Variants in ZNF883 observed in about 807,000 individuals in gnomAD.
ZNF883 encodes the protein zinc finger protein 883.
chr9:112,990,363 T>C (rs1828290364), intron 1 of ZNF883, among the ~76,000 whole-genome samples: 1 of 152,222 alleles, frequency 6.6e-6, no homozygotes, highest in East Asian at 1.9e-4. Flanking sequence ...CTGCATCTAT[T>C]GAGATAATCA....
At chr9:112,990,384 G>A (rs1564330413) in intron 1 of ZNF883, among the ~76,000 whole-genome samples, 1 of 152,176 alleles carries the variant, frequency 6.6e-6, no homozygotes, top group Non-Finnish European at 1.5e-5. Context: ...TGTGGTTTTT[G>A]TCTTTAGTTC....
chr9:112,997,945 G>T (rs1184583165), exon 1 of ZNF883: 1 of 1,613,696 alleles, frequency 6.2e-7, no homozygotes, highest in African/African-American at 1.3e-5. Flanking sequence ...TATGACTAAA[G>T]GTTTTTTCAC....
At chr9:112,998,198 C>T (rs537104711) in exon 1 of ZNF883, 2 of 1,613,548 alleles carry the variant, frequency 1.2e-6, no homozygotes, top group Non-Finnish European at 8.5e-7. Context: ...ACAAGTGTAG[C>T]CTTTCCCACA....
exon 1 of ZNF883, chr9:112,997,348 A>G (rs1345465684): frequency 6.2e-7 from 1 of 1,613,924 alleles, no homozygotes; most frequent in Admixed American, 1.7e-5. Context: ...GTGATGTTCT[A>G]TAGCAAAACA....
At chr9:112,996,563 G>T (rs10981587), downstream of ZNF883, among the ~76,000 whole-genome samples, 9,498 of 151,062 alleles carry the variant, frequency 0.063, 604 homozygotes, top group East Asian at 0.34. Flanking sequence ...AGGCCGAGGC[G>T]GGCAGATCAT....
intron 1 of ZNF883, among the ~76,000 whole-genome samples, chr9:112,989,403 T>G (rs1435419554): frequency 6.6e-6 from 1 of 152,118 alleles, no homozygotes; most frequent in Non-Finnish European, 1.5e-5. Flanking sequence ...TGCTTGTTTT[T>G]TCAGGTTTGT....
At chr9:112,992,014 T>G (rs1187728600) in intron 1 of ZNF883, among the ~76,000 whole-genome samples, 1 of 152,240 alleles carries the variant, frequency 6.6e-6, no homozygotes, top group Admixed American at 6.5e-5. Flanking sequence ...AACACACTGA[T>G]AGGTCTTGAC....
exon 1 of ZNF883, chr9:112,997,743 C>T (rs1172273134): frequency 1.2e-6 from 2 of 1,613,540 alleles, no homozygotes; most frequent in Admixed American, 1.7e-5. Flanking sequence ...GAATGAATTC[C>T]CTGATGTTCA....
exon 1 of ZNF883, chr9:112,997,359 G>T (rs1448461891): frequency 6.2e-7 from 1 of 1,614,000 alleles, no homozygotes; most frequent in Non-Finnish European, 8.5e-7. Flanking sequence ...TAGCAAAACA[G>T]TTTCTGACAT....
rs774653576 is a variant in ZNF883, at chr9:112,998,199, C to T, written n.61G>A. On this transcript the variant is annotated non_coding_transcript_exon_variant, in exon 1 of 1. Transcript: ENST00000639662. ...GTCAGGGATGCAAGACAAGTGTAGC[C>T]TTTCCCACATTCAGTACAGAGATAT... 8.7e-6 allele frequency: 14 copies of T among 1,613,700 alleles called. No individual in the cohort carries two copies. In the East Asian group the frequency reaches 2.9e-4, roughly 33 times the overall value.
chr9:112,990,151 T>C (rs1026599900), intron 1 of ZNF883, among the ~76,000 whole-genome samples: 3 of 152,138 alleles, frequency 2.0e-5, no homozygotes, highest in South Asian at 2.1e-4. Context: ...TCCAATACCA[T>C]GTTGAATAGA....
chr9:112,999,698 G>A (rs954793676), upstream of ZNF883: 3 of 152,188 alleles, frequency 2.0e-5, no homozygotes, highest in African/African-American at 7.2e-5. Flanking sequence ...TACAATTCAG[G>A]AGAAGCCATT....
In ZNF883 at chr9:113,008,807, C is replaced by T. The variant is rs958508875; in HGVS notation, n.165+2334G>A. On this transcript the variant is annotated intron_variant and non_coding_transcript_variant, in intron 2 of 4. Coordinates refer to the ZNF883 transcript ENST00000638622. The stretch of plus-strand genomic sequence containing the variant: ...AGTCCAGGCCATTTCTCCATAGTAA[C>T]AGGAGGGAAGACAGGTTCCCTCCTG... 1.1e-4 allele frequency among the ~76,000 whole-genome samples: 17 copies of T among 151,834 alleles called. 1 individual carries two copies. The highest frequency in any genetic ancestry group is 1.0e-3 in the Admixed American group (16 of 15,246).
At chr9:112,994,626 A>G (rs951436716), downstream of ZNF883, among the ~76,000 whole-genome samples, 2 of 151,708 alleles carry the variant, frequency 1.3e-5, no homozygotes, top group Admixed American at 6.6e-5. Context: ...ATAATATTCT[A>G]TATTTTTTAG....
exon 1 of ZNF883, chr9:112,997,953 C>T: frequency 6.2e-7 from 1 of 1,613,782 alleles, no homozygotes. Context: ...AAGGTTTTTT[C>T]ACATTCATTA....
downstream of ZNF883, among the ~76,000 whole-genome samples, chr9:112,993,491 C>T (rs12347981): frequency 0.12 from 17,850 of 152,202 alleles, 1,511 homozygotes; most frequent in Non-Finnish European, 0.16. Context: ...TATACGGTGT[C>T]TGGTGACCTC....
downstream of ZNF883, among the ~76,000 whole-genome samples, chr9:112,993,458 T>A (rs1010525257): frequency 1.3e-5 from 2 of 152,192 alleles, no homozygotes; most frequent in African/African-American, 2.4e-5. Context: ...GGCACCAAAC[T>A]AAGGCCAGCA....
chr9:113,003,233 T>C (rs543840932), upstream of ZNF883, among the ~76,000 whole-genome samples: 56 of 152,266 alleles, frequency 3.7e-4, no homozygotes, highest in African/African-American at 1.3e-3. Context: ...TGAGTTCTGA[T>C]GGTTTTATAA....
At chr9:112,995,422 T>TAC (rs901252011), downstream of ZNF883, among the ~76,000 whole-genome samples, 2 of 152,014 alleles carry the variant, frequency 1.3e-5, no homozygotes, top group African/African-American at 4.8e-5. Context: ...TTAATGTCCA[T>TAC]ACACATCTCC....
Sources: gnomAD v4.1 joint callset for allele counts (sites outside exome capture counted in the v4.1 genomes callset) on GRCh38, gnomAD v4.1.1 for gene constraint, MANE v1.5 for transcripts, NCBI Gene and HGNC (gene_info 2026-07-23, HGNC 2026-07-21) for gene names.